MTHFD1: variants seen among roughly 807,000 people sequenced by gnomAD.
MTHFD1 encodes C-1-tetrahydrofolate synthase, cytoplasmic.
A neutral mutation model predicts 110.3 loss-of-function variants in MTHFD1; 44 were observed. The ratio of observed to expected loss-of-function variants is 0.40; its 90% CI spans 0.31 to 0.51. The LOEUF is 0.51. Ranked by LOEUF, MTHFD1 falls within the 20% of genes least tolerant of loss-of-function variation. The pLI is 0.60. For missense variants in MTHFD1, 909 were observed against 1,173.1 expected, an observed-to-expected ratio of 0.77 and a Z score of 3.29; for synonymous variants, 402 against 428.8, an observed-to-expected ratio of 0.94 and a Z score of 0.77.
chr14:64,434,542 T>C lies in MTHFD1; in HGVS notation c.1495-1027T>C, dbSNP rs78139983. Among the ~76,000 whole-genome samples the C allele has an allele frequency of 8.3e-3, 1,270 of 152,320 alleles. 18 individuals are homozygous for C. Among genetic ancestry groups the C allele is most frequent in the African/African-American group, 0.029 (1,205 of 41,558 alleles). On this transcript the variant is annotated intron_variant, in intron 15 of 27. Transcript: ENST00000652337. ...CTATAATCTAGCCTAAGTGACAGAA[T>C]GAGACCTCATCTCAAAAAAACAAAA...
intron 23 of MTHFD1, among the ~76,000 whole-genome samples, chr14:64,448,802 CTT>C (rs34868771): frequency 6.9e-6 from 1 of 145,438 alleles, no homozygotes. Context: ...AGCAAAAAAT[CTT>C]TTTTTTTTTT....
At chr14:64,440,542 A>G in intron 18 of MTHFD1, 1 of 463,436 alleles carries the variant, frequency 2.2e-6, no homozygotes, top group Non-Finnish European at 4.0e-6. Context: ...TGGGTGTATG[A>G]CTTCAATTTG....
intron 12 of MTHFD1, among the ~76,000 whole-genome samples, chr14:64,428,710 T>G (rs576346239): frequency 6.6e-6 from 1 of 151,892 alleles, no homozygotes; most frequent in South Asian, 2.1e-4. Flanking sequence ...CGTGCCACCA[T>G]GCCTGGCTAA....
intron 6 of MTHFD1, among the ~76,000 whole-genome samples, chr14:64,416,278 A>AAAC (rs2078026027): frequency 6.8e-6 from 1 of 146,436 alleles, no homozygotes; most frequent in Non-Finnish European, 1.6e-5. Flanking sequence ...AACAAACAAA[A>AAAC]CCAGCTCAGA....
At chr14:64,444,799 A>C in intron 22 of MTHFD1, 65 bp downstream of exon 22, 1 of 1,568,508 alleles carries the variant, frequency 6.4e-7, no homozygotes, top group Non-Finnish European at 8.8e-7. Flanking sequence ...GCATTTCTCC[A>C]CCTGGCCCAT....
Position 64,429,261 on chromosome 14 carries a change from A to AACATATATACATATATATATATATAT in MTHFD1, c.1265-922_1265-921insCATATATACATATATATATATATATA, listed in dbSNP as rs11158541. Among the ~76,000 whole-genome samples, 81 of 108,260 alleles carry AACATATATACATATATATATATATAT rather than the reference A, an allele frequency of 7.5e-4. 9 individuals are homozygous for AACATATATACATATATATATATATAT. The highest frequency in any genetic ancestry group is 2.0e-3 in the Admixed American group (23 of 11,506). 71.0% of individuals were successfully genotyped at this position (108,260 alleles called of 152,430 possible). On this transcript the variant is annotated intron_variant, in intron 12 of 27. Transcript: ENST00000652337. Reference sequence around the variant, plus strand: ...GACAGTATGAGACTCTGTCTAAAAAAATATATATCTGATTTACATTTATTG... The same window carrying AACATATATACATATATATATATATAT: ...GACAGTATGAGACTCTGTCTAAAAAAACATATATACATATATATATATATATATATATATCTGATTTACATTTATTG...
chr14:64,453,565 G>A (rs569405480), intron 24 of MTHFD1, among the ~76,000 whole-genome samples, 189 bp from the exon 25 acceptor site: 26 of 152,160 alleles, frequency 1.7e-4, no homozygotes, highest in African/African-American at 4.8e-4. Flanking sequence ...GCGAAACTCC[G>A]TCTCAAAAAA....
intron 16 of MTHFD1, among the ~76,000 whole-genome samples, chr14:64,436,633 G>T (rs879845128): frequency 6.6e-6 from 1 of 152,184 alleles, no homozygotes; most frequent in Non-Finnish European, 1.5e-5. Flanking sequence ...AGAGCTGAAG[G>T]CCAGTTTATT....
At chr14:64,449,000 C>A (rs971037239) in intron 23 of MTHFD1, 2 of 256,268 alleles carry the variant, frequency 7.8e-6, no homozygotes, top group Non-Finnish European at 1.5e-5. Flanking sequence ...GGGGTTTCAC[C>A]GTGTTAGCCA....
At chr14:64,441,269 A>G in intron 18 of MTHFD1, 116 bp from the exon 19 acceptor site, 2 of 909,788 alleles carry the variant, frequency 2.2e-6, no homozygotes, top group Non-Finnish European at 3.7e-6. Context: ...TTCAGGTGAA[A>G]GTATCAATTG....
chr14:64,431,296 C>A lies in MTHFD1; in HGVS notation c.1312-236C>A, dbSNP rs1436455462. ...GCCCAGGGTGGTCTTGAACTCCTGGCCTGAAGTGATCCGCCCGCCTCGGCC... is the reference window on the plus strand; with the variant it reads ...GCCCAGGGTGGTCTTGAACTCCTGGACTGAAGTGATCCGCCCGCCTCGGCC... On this transcript the variant is annotated intron_variant, in intron 13 of 27. Transcript: ENST00000652337. Among the ~76,000 whole-genome samples the A allele has an allele frequency of 2.6e-5, 4 of 151,740 alleles. No homozygotes were observed. The East Asian group carries it at 7.7e-4, about 29-fold the overall frequency.
At chr14:64,395,593 CT>C (rs2077841616) in intron 1 of MTHFD1, among the ~76,000 whole-genome samples, 1 of 152,128 alleles carries the variant, frequency 6.6e-6, no homozygotes, top group African/African-American at 2.4e-5. Context: ...CCAGTCCAAC[CT>C]AGTCCGTTTA....
At chr14:64,440,475 G>C in intron 18 of MTHFD1, 1 of 643,432 alleles carries the variant, frequency 1.6e-6, no homozygotes, top group South Asian at 1.6e-5. Flanking sequence ...TTTAGTAATA[G>C]ATCACAAGTT....
chr14:64,420,549 A>G (rs755001136), intron 8 of MTHFD1, among the ~76,000 whole-genome samples: 4 of 152,148 alleles, frequency 2.6e-5, no homozygotes, highest in Admixed American at 1.3e-4. Context: ...TCTAAATATT[A>G]GGAATTGTTT....
chr14:64,431,607 C>G lies in MTHFD1; in HGVS notation c.1387C>G (p.Arg463Gly). 1 of 1,614,130 alleles carries G rather than the reference C, an allele frequency of 6.2e-7. No homozygotes were observed. Among genetic ancestry groups the G allele is most frequent in the Non-Finnish European group, 8.5e-7 (1 of 1,180,032 alleles). The change falls in exon 14 of 28, where the codon CGG becomes GGG. Residue 463 changes from arginine (R) to glycine (G), a missense_variant. This residue lies in a region of MTHFD1 where 482 missense variants were observed against 646.0 expected (regional missense o/e 0.75). Coordinates refer to ENST00000652337, the MANE Select transcript of MTHFD1 (RefSeq NM_005956.4). ...CCTCGTTGCTGCGGCCATTGATGCT[C>G]GGATATTTCATGAACTGACCCAGAC... Reference protein sequence around the residue: ...NNLVAAAIDARIFHELTQTDK... With the variant: ...NNLVAAAIDAGIFHELTQTDK...
chr14:64,403,383 T>C (rs559511152), intron 2 of MTHFD1, among the ~76,000 whole-genome samples: 71 of 152,020 alleles, frequency 4.7e-4, no homozygotes, highest in African/African-American at 1.7e-3. Flanking sequence ...CAAGTGATTC[T>C]CATGCCTCAG....
chr14:64,394,409 G>T (rs188569484), intron 1 of MTHFD1, among the ~76,000 whole-genome samples: 1 of 152,154 alleles, frequency 6.6e-6, no homozygotes, highest in Admixed American at 6.5e-5. Flanking sequence ...CCTTTCCATT[G>T]TGAGGAAATC....
At chr14:64,441,024 T>C in intron 18 of MTHFD1, 4 of 345,116 alleles carry the variant, frequency 1.2e-5, no homozygotes, top group South Asian at 9.4e-5. Context: ...ACCCTGTCTC[T>C]ACTAAAAATA....
At position 64,419,810 on chromosome 14, in the gene MTHFD1, C is replaced by T. The variant is rs2078054677; in HGVS notation, c.616-4C>T. 6.2e-7 allele frequency: 1 copy of T among 1,602,766 alleles called. No individual in the cohort carries two copies. ...TTTCTGATGTCCAAATCCCCTACCC[C>T]TAGGTAAATAAAGGTGACATCCTGG... On this transcript the variant is annotated splice_region_variant and splice_polypyrimidine_tract_variant and intron_variant, in intron 7 of 27. Coordinates refer to ENST00000652337, the MANE Select transcript of MTHFD1 (RefSeq NM_005956.4).
Sources: allele counts gnomAD v4.1 joint callset (sites outside exome capture counted in the v4.1 genomes callset), GRCh38; gene constraint gnomAD v4.1.1; regional missense constraint gnomAD v4.1.1; transcripts MANE v1.5; gene names NCBI Gene and HGNC (gene_info 2026-07-23, HGNC 2026-07-21).